Variants in SCFD2 observed in about 807,000 individuals in gnomAD.
The protein encoded by SCFD2 is sec1 family domain-containing protein 2.
Under a neutral mutation model 58.9 loss-of-function variants are expected in SCFD2, and 54 were observed. The observed-to-expected ratio is 0.92, with a 90% CI of 0.74 to 1.15. The LOEUF is 1.15. Ranked by LOEUF, SCFD2 falls within the 50% of genes most tolerant of loss-of-function variation. The pLI is 0.00. For synonymous variants in SCFD2, 321 were observed against 335.9 expected, an observed-to-expected ratio of 0.96 and a Z score of 0.49; for missense variants, 805 against 836.6, an observed-to-expected ratio of 0.96 and a Z score of 0.47.
At chr4:52,996,481 T>C (rs553988900) in intron 5 of SCFD2, among the ~76,000 whole-genome samples, 1 of 152,370 alleles carries the variant, frequency 6.6e-6, no homozygotes, top group African/African-American at 2.4e-5. Context: ...AGTCACTGCG[T>C]CATGGCATCA....
At chr4:53,099,029 T>C (rs1310223295) in intron 5 of SCFD2, among the ~76,000 whole-genome samples, 1 of 152,214 alleles carries the variant, frequency 6.6e-6, no homozygotes, top group Non-Finnish European at 1.5e-5. Flanking sequence ...AAGTGAATCA[T>C]TGTCTGCTTT....
intron 5 of SCFD2, among the ~76,000 whole-genome samples, chr4:53,075,905 G>C (rs1723958235): frequency 6.6e-6 from 1 of 152,128 alleles, no homozygotes; most frequent in African/African-American, 2.4e-5. Flanking sequence ...TTGGAAAAAT[G>C]GTGCTGATAG....
intron 4 of SCFD2, among the ~76,000 whole-genome samples, chr4:53,213,411 T>C (rs1728688509): frequency 6.6e-6 from 1 of 152,106 alleles, no homozygotes; most frequent in Non-Finnish European, 1.5e-5. Flanking sequence ...ATCAGGGACC[T>C]GACCTTTGAT....
At position 53,145,564 on chromosome 4, in the gene SCFD2, T is replaced by A. The variant is rs757328503; in HGVS notation, c.1330A>T (p.Met444Leu). 5.0e-6 allele frequency: 8 copies of A among 1,613,876 alleles called. No homozygotes were observed. In the South Asian group the frequency reaches 7.7e-5, roughly 16 times the overall value. ...AGCAGCTGATTTAACACAACGGACA[T>A]TGCTGACTCCCCAATGCTCTAAAAT... ...LLLQSIGESA[M>L]SVVLNQLLPM... Residue 444 changes from methionine (M) to leucine (L), a missense_variant, in exon 5 of 9, where the codon ATG (methionine) becomes TTG (leucine). Met to Leu is a conservative substitution (Grantham distance 15). Coordinates refer to ENST00000401642, the MANE Select transcript of SCFD2 (RefSeq NM_152540.4).
chr4:52,917,520 A>G (rs1719637598), intron 6 of SCFD2, among the ~76,000 whole-genome samples: 1 of 152,152 alleles, frequency 6.6e-6, no homozygotes, highest in Non-Finnish European at 1.5e-5. Flanking sequence ...ACTAGGTGGC[A>G]AACACTGAGT....
chr4:52,986,170 C>A (rs1422247358), intron 5 of SCFD2, among the ~76,000 whole-genome samples: 1 of 151,962 alleles, frequency 6.6e-6, no homozygotes, highest in Non-Finnish European at 1.5e-5. Context: ...AGAATTACCT[C>A]CCCACCTTTC....
Position 52,983,208 on chromosome 4 carries a change from C to T in SCFD2, c.1562-62338G>A, listed in dbSNP as rs548151408. ...TCTTTGCCTAGCCACATGAGAGTAC[C>T]AGATCTGATAAAACCAAATTCAGCG... On this transcript the variant is annotated intron_variant, in intron 5 of 8. Transcript: ENST00000401642. 8.5e-5 allele frequency among the ~76,000 whole-genome samples: 13 copies of T among 152,248 alleles called. No homozygotes were observed. In the East Asian group the frequency reaches 2.5e-3, roughly 29 times the overall value.
chr4:53,204,052 G>A (rs1175338767), intron 4 of SCFD2, among the ~76,000 whole-genome samples: 6 of 152,054 alleles, frequency 3.9e-5, no homozygotes, highest in Admixed American at 6.6e-5. Flanking sequence ...AACTGGAAAG[G>A]TACTCTTTGT....
chr4:52,892,796 A>G (rs1718908576), intron 7 of SCFD2, among the ~76,000 whole-genome samples: 1 of 152,234 alleles, frequency 6.6e-6, no homozygotes, highest in African/African-American at 2.4e-5. Flanking sequence ...CAGGTAGGGA[A>G]CCTGGTTTGT....
intron 3 of SCFD2, among the ~76,000 whole-genome samples, chr4:53,287,808 A>T (rs899796561): frequency 6.6e-6 from 1 of 152,236 alleles, no homozygotes; most frequent in African/African-American, 2.4e-5. Context: ...ACTTAGCAAG[A>T]TAAAAGAGAA....
chr4:53,330,800 C>G (rs1282284892), intron 2 of SCFD2, among the ~76,000 whole-genome samples: 1 of 151,974 alleles, frequency 6.6e-6, no homozygotes, highest in African/African-American at 2.4e-5. Context: ...CACAGACTGG[C>G]AAATTGGATA....
chr4:53,337,555 A>C (rs1733722851), intron 2 of SCFD2, among the ~76,000 whole-genome samples: 1 of 152,208 alleles, frequency 6.6e-6, no homozygotes. Context: ...TTTCTACTTA[A>C]ATGAAAGAAC....
At chr4:53,136,988 T>C (rs984973030) in intron 5 of SCFD2, among the ~76,000 whole-genome samples, 2 of 152,244 alleles carry the variant, frequency 1.3e-5, no homozygotes, top group African/African-American at 4.8e-5. Context: ...TGGGCATCAC[T>C]CCAACTCACA....
At chr4:53,249,544 G>A (rs1459620639) in intron 4 of SCFD2, among the ~76,000 whole-genome samples, 2 of 152,138 alleles carry the variant, frequency 1.3e-5, no homozygotes, top group Admixed American at 6.6e-5. Context: ...AATGTTAAGG[G>A]CAGCCAGAGA....
intron 4 of SCFD2, among the ~76,000 whole-genome samples, chr4:53,153,167 G>A (rs552197962): frequency 5.3e-5 from 8 of 152,298 alleles, no homozygotes; most frequent in African/African-American, 1.9e-4. Context: ...TGGAATCTGT[G>A]TGGGGGCACC....
intron 4 of SCFD2, among the ~76,000 whole-genome samples, chr4:53,249,757 T>G (rs1451780599): frequency 1.3e-5 from 2 of 152,112 alleles, no homozygotes; most frequent in African/African-American, 4.8e-5. Flanking sequence ...TGCTGAGAGA[T>G]TTTGTCACCA....
chr4:53,307,146 G>C (rs527821757), intron 3 of SCFD2, among the ~76,000 whole-genome samples: 2 of 152,322 alleles, frequency 1.3e-5, no homozygotes, highest in South Asian at 4.1e-4. Context: ...GGCGGAGAGT[G>C]ATCTGGAGGA....
intron 5 of SCFD2, chr4:52,957,097 C>T (rs1160560113): frequency 2.6e-5 from 4 of 152,122 alleles, no homozygotes; most frequent in African/African-American, 9.7e-5. Context: ...TTCCAGAAAC[C>T]ACCCTGGGCT....
chr4:53,176,947 C>CA (rs3064988), intron 4 of SCFD2, among the ~76,000 whole-genome samples: 10 of 124,706 alleles, frequency 8.0e-5, no homozygotes, highest in African/African-American at 2.4e-4. Context: ...ACAACAATCT[C>CA]AAAAAAAAAA....
Sources: gnomAD v4.1 joint callset for allele counts (sites outside exome capture counted in the v4.1 genomes callset) on GRCh38, gnomAD v4.1.1 for gene constraint, MANE v1.5 for transcripts, NCBI Gene and HGNC (gene_info 2026-07-23, HGNC 2026-07-21) for gene names.